Variants in METTL23 observed in about 807,000 individuals in gnomAD.
METTL23 encodes histone-arginine methyltransferase METTL23.
METTL23 carries 24 observed loss-of-function variants against 21.2 expected under a neutral mutation model. The observed-to-expected ratio is 1.13, with a 90% CI of 0.82 to 1.59. METTL23 has a LOEUF of 1.59. METTL23 is among the 40% of genes most tolerant of loss of function. METTL23 has a pLI of 0.00. For synonymous variants in METTL23, 97 were observed against 75.2 expected (o/e 1.29, Z -1.50); for missense variants, 276 against 221.4 (o/e 1.25, Z -1.57).
At position 76,732,276 on chromosome 17, in the gene METTL23, G is replaced by A. The variant is rs942770672; in HGVS notation, c.85-702G>A. On this transcript the variant is annotated intron_variant, in intron 2 of 4. Transcript: ENST00000341249. Reference sequence around the variant, plus strand: ...CTAGCACTTTGGGAGGCCGAGACAGGTGGATCACCTGTCGGGAGTTCAAGA... The same window carrying A: ...CTAGCACTTTGGGAGGCCGAGACAGATGGATCACCTGTCGGGAGTTCAAGA... 2.0e-5 allele frequency among the ~76,000 whole-genome samples: 3 copies of A among 152,108 alleles called. No individual in the cohort carries two copies. The East Asian group carries it at 5.8e-4, about 29-fold the overall frequency.
intron 2 of METTL23, among the ~76,000 whole-genome samples, chr17:76,730,507 T>C (rs1379100508): frequency 6.6e-6 from 1 of 152,146 alleles, no homozygotes; most frequent in Non-Finnish European, 1.5e-5. Context: ...TCTCTAGCCC[T>C]TTAGTTTGCT....
chr17:76,730,976 G>C (rs2077181384), intron 2 of METTL23, among the ~76,000 whole-genome samples: 1 of 152,118 alleles, frequency 6.6e-6, no homozygotes, highest in East Asian at 1.9e-4. Flanking sequence ...CTGGTGGCGG[G>C]CGCCTGTAGT....
In METTL23 at chr17:76,733,780, T is replaced by C; in HGVS notation, c.*94T>C. On this transcript the variant is annotated 3_prime_UTR_variant, in exon 5 of 5. Coordinates refer to ENST00000341249, the MANE Select transcript of METTL23 (RefSeq NM_001080510.5). ...AGACCACTTCAGCTTGAGAATGCAG[T>C]GGGTCTGAAGATGGTCAAGTCTGTT... 8.6e-7 allele frequency: 1 copy of C among 1,156,622 alleles called. No homozygotes were observed. The highest frequency in any genetic ancestry group is 1.2e-6 in the Non-Finnish European group (1 of 824,878). 71.6% of individuals were successfully genotyped at this position (1,156,622 alleles called of 1,614,324 possible).
At chr17:76,726,774 C>G (rs1457240670), upstream of METTL23, 2 of 431,542 alleles carry the variant, frequency 4.6e-6, no homozygotes, top group African/African-American at 2.0e-5. Flanking sequence ...GGGAAGGTCA[C>G]GTCGGCTGCG....
At chr17:76,726,434 C>T, upstream of METTL23, 1 of 1,604,322 alleles carries the variant, frequency 6.2e-7, no homozygotes. Flanking sequence ...GCCGCGCACT[C>T]CGCTTGGCCT....
At chr17:76,732,541 G>A (rs564439398) in intron 2 of METTL23, 2 of 174,810 alleles carry the variant, frequency 1.1e-5, no homozygotes, top group African/African-American at 4.8e-5. Context: ...TACTCAGGAG[G>A]CTGAGGCAGG....
At chr17:76,731,953 G>A (rs2077223490) in intron 2 of METTL23, among the ~76,000 whole-genome samples, 1 of 152,214 alleles carries the variant, frequency 6.6e-6, no homozygotes, top group South Asian at 2.1e-4. Context: ...TGTCTGCAAA[G>A]CATCTTGCCG....
At chr17:76,728,211 G>GA (rs1217678773) in intron 1 of METTL23, among the ~76,000 whole-genome samples, 3 of 146,286 alleles carry the variant, frequency 2.1e-5, no homozygotes, top group African/African-American at 8.0e-5. Context: ...ACTCAGGCAT[G>GA]AGCAACAGAG....
rs748033660 is a variant in METTL23 at position 76,733,351 on chromosome 17, A to G, written c.381A>G (p.Gln127=). The G allele has an allele frequency of 8.7e-6, 14 of 1,613,828 alleles. No homozygotes were observed. Among genetic ancestry groups the G allele is most frequent in the South Asian group, 6.6e-5 (6 of 91,084 alleles). ...YFLMHKNPKV[Q]LWSTYQVRSA... is the part of the protein sequence containing the mutation. ...TGATGCACAAGAATCCCAAGGTCCAATTGTGGTCTACTTATCAAGTTAGGA... is the reference window on the plus strand; with the variant it reads ...TGATGCACAAGAATCCCAAGGTCCAGTTGTGGTCTACTTATCAAGTTAGGA... Residue 127 remains glutamine, a synonymous_variant, in exon 4 of 5, where the codon CAA becomes CAG. Coordinates refer to ENST00000341249, the MANE Select transcript of METTL23 (RefSeq NM_001080510.5).
chr17:76,728,599 CG>C (rs1228522359), intron 1 of METTL23, among the ~76,000 whole-genome samples: 1 of 151,608 alleles, frequency 6.6e-6, no homozygotes, highest in Admixed American at 6.6e-5. Flanking sequence ...TTAGTAGAGA[CG>C]GGGTTTTGCC....
At chr17:76,732,247 A>G (rs1179797415) in intron 2 of METTL23, among the ~76,000 whole-genome samples, 1 of 151,984 alleles carries the variant, frequency 6.6e-6, no homozygotes. Flanking sequence ...TCATGCCTGT[A>G]ATCCTAGCAC....
Position 76,726,950 on chromosome 17 carries a change from T to C in METTL23, c.-250T>C, listed in dbSNP as rs2143768686. 2.2e-6 allele frequency: 1 copy of C among 456,848 alleles called. No homozygotes were observed. Among genetic ancestry groups the C allele is most frequent in the African/African-American group, 2.0e-5 (1 of 50,238 alleles). The allele number at this position is 456,848 out of a possible 1,614,324, so 28.3% of individuals were successfully genotyped here. A position where few individuals can be genotyped will look rare whatever the true frequency, so the allele number is the denominator to read the frequency against. ...GGCAGGGTTATCACCAGATCTGGGC[T>C]TTCCCCTTCTTGCCGTCAGGTGCTA... is the stretch of plus-strand genomic sequence containing the variant. On this transcript the variant is annotated 5_prime_UTR_variant, in exon 1 of 5. Transcript: ENST00000341249.
chr17:76,727,605 C>T (rs915991294), intron 1 of METTL23, among the ~76,000 whole-genome samples: 5 of 152,264 alleles, frequency 3.3e-5, no homozygotes, highest in African/African-American at 9.6e-5. Context: ...ATCCTTATCT[C>T]TCACTTTTGT....
intron 1 of METTL23, 66 bp downstream of exon 1, chr17:76,727,244 G>C: frequency 2.8e-6 from 1 of 351,716 alleles, no homozygotes; most frequent in South Asian, 2.1e-5. Flanking sequence ...GACTTGGCTG[G>C]GTTCCTGAGG....
chr17:76,731,538 G>C (rs1164472765), intron 2 of METTL23, among the ~76,000 whole-genome samples: 1 of 151,468 alleles, frequency 6.6e-6, no homozygotes, highest in Non-Finnish European at 1.5e-5. Context: ...ATGAATTTTG[G>C]GTGAACACAT....
At position 76,733,711 on chromosome 17, in the gene METTL23, A is replaced by ATCAATACTGTATCAAT; in HGVS notation, c.*25_*26insTCAATACTGTATCAAT. 1 of 1,603,412 alleles carries ATCAATACTGTATCAAT rather than the reference A, an allele frequency of 6.2e-7. No homozygotes were observed. Among genetic ancestry groups the ATCAATACTGTATCAAT allele is most frequent in the Non-Finnish European group, 8.5e-7 (1 of 1,174,790 alleles). On this transcript the variant is annotated 3_prime_UTR_variant, in exon 5 of 5. Transcript: ENST00000341249. ...AATTATACCTACAACCTGTTCTGGG[A>ATCAATACTGTATCAAT]CAGTATCAATACTGATGAGCAACCT... is the stretch of plus-strand genomic sequence containing the variant.
chr17:76,726,792 C>T, upstream of METTL23: 1 of 375,758 alleles, frequency 2.7e-6, no homozygotes, highest in Non-Finnish European at 4.9e-6. Flanking sequence ...GCGTCACCGC[C>T]CCGCCCCGCC....
At position 76,733,707 on chromosome 17, in the gene METTL23, T is replaced by G; in HGVS notation, c.*21T>G. The G allele has an allele frequency of 6.2e-7, 1 of 1,604,402 alleles. No homozygotes were observed. The highest frequency in any genetic ancestry group is 8.5e-7 in the Non-Finnish European group (1 of 1,175,344). On this transcript the variant is annotated 3_prime_UTR_variant, in exon 5 of 5. Coordinates refer to ENST00000341249, the MANE Select transcript of METTL23 (RefSeq NM_001080510.5). Reference sequence around the variant, plus strand: ...TCTGAATTATACCTACAACCTGTTCTGGGACAGTATCAATACTGATGAGCA... The same window carrying G: ...TCTGAATTATACCTACAACCTGTTCGGGGACAGTATCAATACTGATGAGCA...
At chr17:76,726,631 T>A (rs1171659897), upstream of METTL23, 1 of 1,018,356 alleles carries the variant, frequency 9.8e-7, no homozygotes, top group African/African-American at 1.7e-5. Context: ...GAAAATTCAC[T>A]CCCCAGCCAC....
Sources: gnomAD v4.1 joint callset for allele counts (sites outside exome capture counted in the v4.1 genomes callset) on GRCh38, gnomAD v4.1.1 for gene constraint, MANE v1.5 for transcripts, NCBI Gene and HGNC (gene_info 2026-07-23, HGNC 2026-07-21) for gene names.